Variants in UXS1 observed in about 807,000 individuals in gnomAD.
UXS1 encodes UDP-glucuronate decarboxylase 1, also known as UDP-glucuronic acid decarboxylase 1.
In UXS1, 33 loss-of-function variants were observed where a neutral mutation model predicts 62.6. The ratio of observed to expected loss-of-function variants is 0.53; its 90% CI spans 0.40 to 0.70. The LOEUF is 0.70. Among genes scored for constraint, UXS1 ranks in the 30% least tolerant of loss-of-function variants. The pLI is 0.00. For synonymous variants in UXS1, 213 were observed against 206.8 expected, an observed-to-expected ratio of 1.03 and a Z score of -0.26; for missense variants, 434 against 556.3, an observed-to-expected ratio of 0.78 and a Z score of 2.21.
At chr2:106,106,511 C>T (rs1456750317) in intron 10 of UXS1, among the ~76,000 whole-genome samples, 1 of 152,022 alleles carries the variant, frequency 6.6e-6, no homozygotes, top group Non-Finnish European at 1.5e-5. Flanking sequence ...TATGTAGGTT[C>T]TGTTCTTGGG....
chr2:106,150,291 G>A (rs981495711), intron 5 of UXS1, among the ~76,000 whole-genome samples: 8 of 152,348 alleles, frequency 5.3e-5, no homozygotes, highest in Admixed American at 2.0e-4. Context: ...GAAAAAGTGT[G>A]CAAGAGTGCA....
chr2:106,118,373 T>C (rs1297811114), intron 9 of UXS1, among the ~76,000 whole-genome samples: 14 of 152,162 alleles, frequency 9.2e-5, no homozygotes, highest in Non-Finnish European at 2.9e-5. Flanking sequence ...ACTCTGCCAT[T>C]TGCTGGTTTT....
At chr2:106,152,580 GGAAA>G (rs1308009969) in intron 5 of UXS1, among the ~76,000 whole-genome samples, 1 of 143,920 alleles carries the variant, frequency 6.9e-6, no homozygotes, top group Non-Finnish European at 1.5e-5. Context: ...AGGAAGGAAA[GGAAA>G]GAAAGAAAAG....
chr2:106,140,070 T>C (rs1680977569), intron 6 of UXS1, among the ~76,000 whole-genome samples: 1 of 152,176 alleles, frequency 6.6e-6, no homozygotes, highest in African/African-American at 2.4e-5. Flanking sequence ...CTTCTCAAAG[T>C]ATAAAGACCA....
At chr2:106,095,848 T>G (rs1286687286) in intron 14 of UXS1, among the ~76,000 whole-genome samples, 7 of 152,184 alleles carry the variant, frequency 4.6e-5, no homozygotes, top group Non-Finnish European at 1.0e-4. Context: ...ACGAGCGTTC[T>G]CTGGCGGGGA....
At chr2:106,166,270 T>C (rs1465497559) in intron 1 of UXS1, 187 bp from the exon 2 acceptor site, 1 of 581,480 alleles carries the variant, frequency 1.7e-6, no homozygotes, top group East Asian at 3.1e-5. Flanking sequence ...AAAAACAGGA[T>C]CGTAGAGTTT....
Position 106,175,632 on chromosome 2 carries a change from C to T in UXS1, c.95-9549G>A, listed in dbSNP as rs1558752211. ...TTTGCTGAGACACTTGGTCTCAGAG[C>T]CCTGAACCACCATGCGTGAAGTCTG... is the stretch of plus-strand genomic sequence containing the variant. On this transcript the variant is annotated intron_variant, in intron 1 of 14. Coordinates refer to ENST00000283148, the MANE Select transcript of UXS1 (RefSeq NM_001253875.2). 2.6e-5 allele frequency among the ~76,000 whole-genome samples: 4 copies of T among 152,114 alleles called. No homozygotes were observed. The East Asian group carries it at 5.8e-4, about 22-fold the overall frequency.
intron 7 of UXS1, among the ~76,000 whole-genome samples, chr2:106,128,214 T>C (rs1680124795): frequency 6.6e-6 from 1 of 152,104 alleles, no homozygotes; most frequent in South Asian, 2.1e-4. Context: ...GAAGAGGGCA[T>C]CACGCACACC....
At chr2:106,146,798 A>C (rs980264468) in intron 5 of UXS1, among the ~76,000 whole-genome samples, 1 of 142,676 alleles carries the variant, frequency 7.0e-6, no homozygotes, top group African/African-American at 2.6e-5. Context: ...AAAAAAAAAG[A>C]AGCCATCTGG....
chr2:106,165,991 T>C (rs973761130), intron 2 of UXS1, 65 bp downstream of exon 2: 5 of 1,497,270 alleles, frequency 3.3e-6, no homozygotes, highest in Non-Finnish European at 3.7e-6. Flanking sequence ...CCATGGTATA[T>C]ATGTACCAAC....
At chr2:106,136,645 A>G (rs1300032519) in intron 6 of UXS1, among the ~76,000 whole-genome samples, 2 of 52,262 alleles carry the variant, frequency 3.8e-5, no homozygotes, top group African/African-American at 1.6e-4. Flanking sequence ...CATCATTCTC[A>G]GTAAACTATC....
chr2:106,139,917 T>C (rs1439649955), intron 6 of UXS1, among the ~76,000 whole-genome samples: 1 of 152,220 alleles, frequency 6.6e-6, no homozygotes, highest in African/African-American at 2.4e-5. Context: ...ATTCTCTTTT[T>C]CTACACTTGA....
chr2:106,156,401 G>A (rs552601746), intron 5 of UXS1, among the ~76,000 whole-genome samples: 10 of 152,120 alleles, frequency 6.6e-5, no homozygotes, highest in Non-Finnish European at 1.5e-4. Flanking sequence ...TGGCGTTGAG[G>A]ATGTAGAGAA....
chr2:106,113,528 A>G (rs1327250925), intron 9 of UXS1, among the ~76,000 whole-genome samples: 2 of 152,212 alleles, frequency 1.3e-5, no homozygotes, highest in Non-Finnish European at 1.5e-5. Flanking sequence ...CAAATATGCA[A>G]TCATGGAAGT....
Position 106,098,750 on chromosome 2 carries a change from G to T in UXS1, c.1008C>A (p.Ile336=), listed in dbSNP as rs1040932958. Residue 336 remains isoleucine (I), a synonymous_variant, in exon 13 of 15, where the codon ATC becomes ATA. Coordinates refer to ENST00000283148, the MANE Select transcript of UXS1 (RefSeq NM_001253875.2). ...TTTTAATTAACTGAGCAAATTCTAG[G>T]ATTGTGTGTTCTTCTGGGTTCCCCT... ...VNLGNPEEHT[I]LEFAQLIKNL... The T allele has an allele frequency of 1.2e-6, 2 of 1,612,200 alleles. No individual in the cohort carries two copies. The highest frequency in any genetic ancestry group is 1.7e-5 in the Admixed American group (1 of 59,762).
intron 2 of UXS1, among the ~76,000 whole-genome samples, chr2:106,165,541 A>G (rs1683160445): frequency 6.6e-6 from 1 of 152,118 alleles, no homozygotes; most frequent in African/African-American, 2.4e-5. Context: ...TTATTTGGTA[A>G]AGAGATAACA....
At chr2:106,154,511 C>T (rs536921143) in intron 5 of UXS1, among the ~76,000 whole-genome samples, 4 of 152,242 alleles carry the variant, frequency 2.6e-5, no homozygotes, top group South Asian at 4.1e-4. Flanking sequence ...TAGAGTGATG[C>T]CTCTACCAGC....
chr2:106,100,053 C>T (rs548134635), intron 12 of UXS1, among the ~76,000 whole-genome samples: 44 of 152,284 alleles, frequency 2.9e-4, no homozygotes, highest in Middle Eastern at 3.4e-3. Context: ...TTTTAGAGTT[C>T]CCTGAACTTT....
chr2:106,110,997 C>T (rs1046525560), intron 10 of UXS1, among the ~76,000 whole-genome samples: 1 of 152,180 alleles, frequency 6.6e-6, no homozygotes, highest in Non-Finnish European at 1.5e-5. Flanking sequence ...AGCAAGGAAG[C>T]CCGGCCTGAG....
Sources: allele counts gnomAD v4.1 joint callset (sites outside exome capture counted in the v4.1 genomes callset), GRCh38; gene constraint gnomAD v4.1.1; transcripts MANE v1.5; gene names NCBI Gene and HGNC (gene_info 2026-07-23, HGNC 2026-07-21).